The following RAPGEF5 variants were observed in gnomAD, a reference collection of about 807,000 sequenced individuals.
RAPGEF5 encodes the protein M-Ras-regulated GEF.
A neutral mutation model predicts 125.2 loss-of-function variants in RAPGEF5; 65 were observed. That is an observed-to-expected ratio of 0.52 (90% CI 0.43 to 0.64). The LOEUF is 0.64. Ranked by LOEUF, RAPGEF5 falls within the 30% of genes least tolerant of loss-of-function variation. RAPGEF5 has a pLI of 0.00. For synonymous variants in RAPGEF5, 391 were observed against 385.9 expected, an observed-to-expected ratio of 1.01 and a Z score of -0.16; for missense variants, 958 against 1,048.1, an observed-to-expected ratio of 0.91 and a Z score of 1.19.
At chr7:22,162,973 A>C (rs2128112645) in intron 12 of RAPGEF5, 1 of 457,488 alleles carries the variant, frequency 2.2e-6, no homozygotes, top group African/African-American at 2.0e-5. Context: ...ATTCTGTAAA[A>C]CCAGGTGCTT....
At position 22,130,292 on chromosome 7, in the gene RAPGEF5, T is replaced by C. The variant is rs561743238; in HGVS notation, c.2481+745A>G. On this transcript the variant is annotated intron_variant, in intron 24 of 25. Coordinates refer to ENST00000665637, the MANE Select transcript of RAPGEF5 (RefSeq NM_012294.5). The stretch of plus-strand genomic sequence containing the variant: ...CTATTTTACAGTTGCTCAGTTCTTA[T>C]GGGTAACCCCTCCTTTGCTCAAGGG... Among the ~76,000 whole-genome samples, 38 of 152,332 alleles carry C rather than the reference T, an allele frequency of 2.5e-4. No individual in the cohort carries two copies. In the South Asian group the frequency reaches 3.9e-3, roughly 16 times the overall value.
chr7:22,318,608 C>G (rs1373258009), intron 1 of RAPGEF5, among the ~76,000 whole-genome samples: 10 of 152,202 alleles, frequency 6.6e-5, no homozygotes, highest in Non-Finnish European at 1.5e-4. Context: ...CAACTCCCAG[C>G]AAAGCTCCTT....
At chr7:22,195,210 T>C (rs1473532681) in intron 9 of RAPGEF5, among the ~76,000 whole-genome samples, 2 of 152,120 alleles carry the variant, frequency 1.3e-5, no homozygotes, top group African/African-American at 4.8e-5. Flanking sequence ...AAAATATCCA[T>C]TGTGCCTTAT....
rs1365393520 is a variant in RAPGEF5, at chr7:22,349,066, G to A, written c.231+7764C>T. On this transcript the variant is annotated intron_variant, in intron 1 of 25. Coordinates refer to ENST00000665637, the MANE Select transcript of RAPGEF5 (RefSeq NM_012294.5). ...ATGGTGCCACCGTACTCCAGGCTGG[G>A]TGAAAGAGCAAGACTCTGCCTAAAA... Among the ~76,000 whole-genome samples the A allele has an allele frequency of 6.0e-5, 9 of 150,658 alleles. No homozygotes were observed. In the South Asian group the frequency reaches 1.7e-3, roughly 28 times the overall value.
intron 9 of RAPGEF5, among the ~76,000 whole-genome samples, chr7:22,207,542 T>C (rs1053994479): frequency 2.6e-5 from 4 of 152,188 alleles, no homozygotes; most frequent in Non-Finnish European, 4.4e-5. Flanking sequence ...TTCTAAATTC[T>C]CTATGAAGGG....
At chr7:22,271,751 T>C (rs1782432460) in intron 6 of RAPGEF5, among the ~76,000 whole-genome samples, 1 of 152,238 alleles carries the variant, frequency 6.6e-6, no homozygotes, top group Non-Finnish European at 1.5e-5. Context: ...TGTTGAAATG[T>C]TTTGGCTTTC....
intron 5 of RAPGEF5, among the ~76,000 whole-genome samples, chr7:22,303,688 T>C (rs1197411029): frequency 6.6e-6 from 1 of 152,098 alleles, no homozygotes; most frequent in African/African-American, 2.4e-5. Flanking sequence ...GAATGGACAA[T>C]GTAAGAATCA....
chr7:22,293,820 C>T (rs1782988997), intron 5 of RAPGEF5, among the ~76,000 whole-genome samples: 1 of 152,168 alleles, frequency 6.6e-6, no homozygotes, highest in Non-Finnish European at 1.5e-5. Context: ...AGGCAATACT[C>T]GGCCACTCTC....
At chr7:22,285,817 T>C (rs547433376) in intron 6 of RAPGEF5, among the ~76,000 whole-genome samples, 1 of 152,268 alleles carries the variant, frequency 6.6e-6, no homozygotes, top group South Asian at 2.1e-4. Flanking sequence ...AAAGCCCTTA[T>C]GAAAAGGAAT....
chr7:22,197,223 G>A (rs1003155154), intron 9 of RAPGEF5, among the ~76,000 whole-genome samples: 3 of 152,320 alleles, frequency 2.0e-5, no homozygotes, highest in South Asian at 2.1e-4. Context: ...GAGTGAACAA[G>A]GAGGAAGAGA....
At chr7:22,202,086 G>A (rs1011041117) in intron 9 of RAPGEF5, among the ~76,000 whole-genome samples, 2 of 152,224 alleles carry the variant, frequency 1.3e-5, no homozygotes, top group Admixed American at 6.5e-5. Context: ...AACTAAGTCC[G>A]AGGGGTAGGC....
At chr7:22,223,470 A>C (rs1198737734) in intron 8 of RAPGEF5, among the ~76,000 whole-genome samples, 2 of 152,200 alleles carry the variant, frequency 1.3e-5, no homozygotes, top group Non-Finnish European at 2.9e-5. Context: ...ACAAGAAATG[A>C]GGCATTAGCT....
At chr7:22,263,585 C>A (rs1357690046) in intron 7 of RAPGEF5, among the ~76,000 whole-genome samples, 2 of 151,750 alleles carry the variant, frequency 1.3e-5, no homozygotes, top group Non-Finnish European at 2.9e-5. Context: ...CAAAAATTAG[C>A]CGGGTGTGGT....
intron 7 of RAPGEF5, among the ~76,000 whole-genome samples, chr7:22,244,552 C>T (rs1345362448): frequency 9.9e-5 from 15 of 152,236 alleles, no homozygotes; most frequent in Non-Finnish European, 1.9e-4. Flanking sequence ...CCATCACCCC[C>T]AGATGGAATC....
At chr7:22,160,219 G>C (rs1223879420) in intron 14 of RAPGEF5, among the ~76,000 whole-genome samples, 1 of 152,146 alleles carries the variant, frequency 6.6e-6, no homozygotes, top group Non-Finnish European at 1.5e-5. Context: ...AAGTTAAACA[G>C]ACTTTTAAAA....
At chr7:22,213,833 A>G (rs1785566577) in intron 9 of RAPGEF5, among the ~76,000 whole-genome samples, 1 of 152,238 alleles carries the variant, frequency 6.6e-6, no homozygotes, top group South Asian at 2.1e-4. Flanking sequence ...ATTACTGATA[A>G]ACTTCAAATA....
rs186739071 is a variant in RAPGEF5 at position 22,346,161 on chromosome 7, C to T, written c.231+10669G>A. Among the ~76,000 whole-genome samples, 4 of 152,268 alleles carry T rather than the reference C, an allele frequency of 2.6e-5. No individual in the cohort carries two copies. In the East Asian group the frequency reaches 5.8e-4, roughly 22 times the overall value. ...AGGAACAAGAAATAAAACCTGATTCCCTATCCCACCATTGGTTCCCATGAT... is the reference window on the plus strand; with the variant it reads ...AGGAACAAGAAATAAAACCTGATTCTCTATCCCACCATTGGTTCCCATGAT... On this transcript the variant is annotated intron_variant, in intron 1 of 25. Transcript: ENST00000665637.
At chr7:22,337,194 G>A (rs557667334) in intron 1 of RAPGEF5, among the ~76,000 whole-genome samples, 6 of 152,302 alleles carry the variant, frequency 3.9e-5, no homozygotes, top group Admixed American at 3.3e-4. Flanking sequence ...GTGGGCAGGG[G>A]CTACGGTATG....
At chr7:22,204,058 C>T (rs1785342474) in intron 9 of RAPGEF5, among the ~76,000 whole-genome samples, 2 of 152,088 alleles carry the variant, frequency 1.3e-5, no homozygotes, top group South Asian at 4.2e-4. Context: ...TATATTTGTC[C>T]CGTGGGGTTT....
Sources: allele counts gnomAD v4.1 joint callset (sites outside exome capture counted in the v4.1 genomes callset), GRCh38; gene constraint gnomAD v4.1.1; transcripts MANE v1.5; gene names NCBI Gene and HGNC (gene_info 2026-07-23, HGNC 2026-07-21).